AFG1L: variants seen among roughly 807,000 people sequenced by gnomAD.
AFG1L encodes the protein AFG1 like ATPase.
AFG1L carries 53 observed loss-of-function variants against 62.2 expected under a neutral mutation model. That is an observed-to-expected ratio of 0.85 (90% CI 0.68 to 1.07). AFG1L has a LOEUF of 1.07. Ranked by LOEUF, AFG1L falls within the 50% of genes least tolerant of loss-of-function variation. AFG1L has a pLI of 0.00. For synonymous variants in AFG1L, 228 were observed against 210.3 expected (o/e 1.08, Z -0.73); for missense variants, 555 against 590.5 (o/e 0.94, Z 0.62).
rs138344131 is a variant in AFG1L at position 108,497,822 on chromosome 6, C to T, written c.1063-12390C>T. On this transcript the variant is annotated intron_variant, in intron 10 of 12. Coordinates refer to ENST00000368977, the MANE Select transcript of AFG1L (RefSeq NM_145315.5). The stretch of plus-strand genomic sequence containing the variant: ...CTTGCTAATGACTTAAAAGCTTTCA[C>T]TAGTAAATCTCTGTAGCAAGTATAG... Among the ~76,000 whole-genome samples, 90 of 152,294 alleles carry T rather than the reference C, an allele frequency of 5.9e-4. No individual in the cohort carries two copies. The East Asian group carries it at 8.9e-3, about 15-fold the overall frequency.
rs1240284311 is a variant in AFG1L at position 108,524,096 on chromosome 6, AAC to A, written c.*1676_*1677del. ...ACAAAACTCATATACTATATTTTAT[AAC>A]ACACTGTCTCTTACTCTTACTATTT... On this transcript the variant is annotated 3_prime_UTR_variant, in exon 13 of 13. Transcript: ENST00000368977. 2 of 152,212 alleles carry A rather than the reference AAC, an allele frequency of 1.3e-5. No individual in the cohort carries two copies. The allele number at this position is 152,212 out of a possible 1,614,324, so 9.4% of individuals were successfully genotyped here.
rs1348390784 is a variant in AFG1L, at chr6:108,524,134, G to A, written c.*1709G>A. 1 of 152,096 alleles carries A rather than the reference G, an allele frequency of 6.6e-6. No individual in the cohort carries two copies. Among genetic ancestry groups the A allele is most frequent in the East Asian group, 1.9e-4 (1 of 5,204 alleles). The allele number at this position is 152,096 out of a possible 1,614,324, so 9.4% of individuals were successfully genotyped here. A position where few individuals can be genotyped will look rare whatever the true frequency, so the allele number is the denominator to read the frequency against. ...TTACTCTTACTATTTAAAAAAAAGA[G>A]ATTGTTTTAAAAATTGATTCATTTA... On this transcript the variant is annotated 3_prime_UTR_variant, in exon 13 of 13. Coordinates refer to ENST00000368977, the MANE Select transcript of AFG1L (RefSeq NM_145315.5).
chr6:108,320,353 G>C (rs972781083), intron 1 of AFG1L, among the ~76,000 whole-genome samples: 16 of 152,158 alleles, frequency 1.1e-4, no homozygotes, highest in Non-Finnish European at 1.9e-4. Context: ...AGGAAACAAA[G>C]CTTTGTCTAA....
chr6:108,349,960 C>T (rs549225142), intron 3 of AFG1L, among the ~76,000 whole-genome samples: 12 of 150,680 alleles, frequency 8.0e-5, no homozygotes, highest in Non-Finnish European at 1.6e-4. Flanking sequence ...CGGTGGCCCA[C>T]GCCTATAATG....
chr6:108,501,481 C>T (rs1774199594), intron 10 of AFG1L, among the ~76,000 whole-genome samples: 1 of 152,088 alleles, frequency 6.6e-6, no homozygotes, highest in Non-Finnish European at 1.5e-5. Flanking sequence ...AACAAATAAC[C>T]CCCAAATTAG....
intron 10 of AFG1L, among the ~76,000 whole-genome samples, chr6:108,502,430 C>G (rs1037771047): frequency 6.6e-6 from 1 of 152,152 alleles, no homozygotes; most frequent in South Asian, 2.1e-4. Context: ...GTCTCGAACT[C>G]CCTGCCTCAG....
At position 108,323,815 on chromosome 6, in the gene AFG1L, T is replaced by C; in HGVS notation, c.140-10T>C. 6.3e-7 allele frequency: 1 copy of C among 1,597,936 alleles called. No homozygotes were observed. The highest frequency in any genetic ancestry group is 1.3e-5 in the African/African-American group (1 of 74,410). On this transcript the variant is annotated splice_polypyrimidine_tract_variant and intron_variant, in intron 1 of 12. Coordinates refer to ENST00000368977, the MANE Select transcript of AFG1L (RefSeq NM_145315.5). The stretch of plus-strand genomic sequence containing the variant: ...TAAGAAAGTCTAAAATTTTATGTTT[T>C]TGTTTATAGCCTATACGGTTCAGAC...
At chr6:108,450,681 A>G (rs1017910997) in intron 8 of AFG1L, among the ~76,000 whole-genome samples, 1 of 152,246 alleles carries the variant, frequency 6.6e-6, no homozygotes, top group Non-Finnish European at 1.5e-5. Context: ...GCCCATGCCT[A>G]TGTCCTGAAT....
intron 10 of AFG1L, among the ~76,000 whole-genome samples, chr6:108,489,127 G>A (rs967187179): frequency 1.3e-5 from 2 of 152,158 alleles, no homozygotes; most frequent in Non-Finnish European, 2.9e-5. Flanking sequence ...TCTCCTGAGG[G>A]CAGATCACAG....
Position 108,469,027 on chromosome 6 carries a change from G to A in AFG1L, c.891-7838G>A, listed in dbSNP as rs75672606. Among the ~76,000 whole-genome samples the A allele has an allele frequency of 5.9e-3, 897 of 151,766 alleles. 10 individuals carry two copies. Among genetic ancestry groups the A allele is most frequent in the African/African-American group, 0.021 (867 of 41,370 alleles). On this transcript the variant is annotated intron_variant, in intron 8 of 12. Coordinates refer to ENST00000368977, the MANE Select transcript of AFG1L (RefSeq NM_145315.5). ...TCCTTTTAAAAATGTCTTTATTTTG[G>A]GTCTTTGTCTTTTACCTTTGGAAAT...
rs1263721101 is a variant in AFG1L at position 108,461,858 on chromosome 6, G to C, written c.890+14562G>C. ...ACATGTAATCCCAGCACTTTGGGAG[G>C]CCGAGGTGGGCGGATCACGAGGGCA... is the stretch of plus-strand genomic sequence containing the variant. On this transcript the variant is annotated intron_variant, in intron 8 of 12. Transcript: ENST00000368977. 2.6e-5 allele frequency among the ~76,000 whole-genome samples: 4 copies of C among 152,116 alleles called. No homozygotes were observed. The East Asian group carries it at 7.7e-4, about 29-fold the overall frequency.
At chr6:108,412,416 G>A (rs545121837) in intron 7 of AFG1L, among the ~76,000 whole-genome samples, 315 of 152,090 alleles carry the variant, frequency 2.1e-3, no homozygotes, top group African/African-American at 7.4e-3. Flanking sequence ...TACAGAGAAC[G>A]CCACAAAGAT....
At chr6:108,502,773 TC>T (rs1339961108) in intron 10 of AFG1L, among the ~76,000 whole-genome samples, 3 of 152,236 alleles carry the variant, frequency 2.0e-5, no homozygotes, top group African/African-American at 7.2e-5. Context: ...AAGATTTCTT[TC>T]TAGCAAGTGA....
chr6:108,446,492 T>TC (rs200864719), intron 7 of AFG1L, among the ~76,000 whole-genome samples: 1,966 of 115,624 alleles, frequency 0.017, 41 homozygotes, highest in African/African-American at 0.077. Context: ...TCTCTCTCTC[T>TC]TTTTTTTTTT....
At chr6:108,511,118 A>T (rs1338314815) in intron 11 of AFG1L, among the ~76,000 whole-genome samples, 24 of 149,438 alleles carry the variant, frequency 1.6e-4, no homozygotes, top group Non-Finnish European at 4.5e-5. Flanking sequence ...GAAGAAGAAG[A>T]AGTAGAAGGA....
intron 7 of AFG1L, among the ~76,000 whole-genome samples, chr6:108,405,412 C>T (rs987135681): frequency 3.4e-4 from 51 of 152,148 alleles, no homozygotes; most frequent in Non-Finnish European, 2.9e-5. Context: ...GTGGCACAAT[C>T]ATAGCTTACT....
intron 1 of AFG1L, among the ~76,000 whole-genome samples, chr6:108,309,947 A>G (rs1193971417): frequency 1.3e-5 from 2 of 152,224 alleles, no homozygotes; most frequent in African/African-American, 2.4e-5. Flanking sequence ...GGAAAAAGAC[A>G]TGGAACTCCT....
intron 2 of AFG1L, among the ~76,000 whole-genome samples, chr6:108,344,616 G>A (rs1386092147): frequency 1.3e-5 from 2 of 152,074 alleles, no homozygotes; most frequent in Non-Finnish European, 2.9e-5. Context: ...AAAGCCAAAA[G>A]CCTTATGGAT....
At chr6:108,486,623 T>G (rs957578849) in intron 10 of AFG1L, among the ~76,000 whole-genome samples, 1 of 152,212 alleles carries the variant, frequency 6.6e-6, no homozygotes, top group African/African-American at 2.4e-5. Context: ...TATTACTTCA[T>G]TCTTTTCTCT....
Sources: allele counts gnomAD v4.1 joint callset (sites outside exome capture counted in the v4.1 genomes callset), GRCh38; gene constraint gnomAD v4.1.1; transcripts MANE v1.5; gene names NCBI Gene and HGNC (gene_info 2026-07-23, HGNC 2026-07-21).